UPF1: variants seen among roughly 807,000 people sequenced by gnomAD.
UPF1 encodes regulator of nonsense transcripts 1.
UPF1 carries 9 observed loss-of-function variants against 129.2 expected under a neutral mutation model. The observed-to-expected ratio is 0.07, with a 90% CI of 0.04 to 0.12. The LOEUF is 0.12. Ranked by LOEUF, UPF1 falls within the 10% of genes least tolerant of loss-of-function variation. The probability of loss-of-function intolerance (pLI) is 1.00; values close to 1 mark genes in which losing one functional copy is unlikely to be tolerated. For synonymous variants in UPF1, 649 were observed against 644.9 expected (o/e 1.01, Z -0.10); for missense variants, 788 against 1,525.3 (o/e 0.52, Z 8.05).
At chr19:18,854,457 G>A in intron 8 of UPF1, 144 bp from the exon 9 acceptor site, 1 of 670,182 alleles carries the variant, frequency 1.5e-6, no homozygotes, top group Non-Finnish European at 2.6e-6. Flanking sequence ...GGTGTTGGCT[G>A]CACGTTTTTA....
intron 1 of UPF1, among the ~76,000 whole-genome samples, chr19:18,840,685 C>T (rs967854708): frequency 2.6e-5 from 4 of 152,178 alleles, no homozygotes; most frequent in Non-Finnish European, 4.4e-5. Flanking sequence ...CTGTTCGGGG[C>T]TCCGGAGGGT....
At chr19:18,856,769 CAGGG>C in intron 13 of UPF1, 104 bp from the exon 14 acceptor site, 1 of 1,441,362 alleles carries the variant, frequency 6.9e-7, no homozygotes, top group South Asian at 1.4e-5. Flanking sequence ...TTTATAGTGT[CAGGG>C]AGGGTGAGAA....
At chr19:18,866,392 G>A (rs2055844925) in intron 23 of UPF1, 129 bp from the exon 24 acceptor site, 2 of 558,570 alleles carry the variant, frequency 3.6e-6, no homozygotes, top group Admixed American at 4.0e-5. Context: ...GGACCACCGC[G>A]GGACCTCAGT....
rs765708365 is a variant in UPF1, at chr19:18,845,991, A to C, written c.243A>C (p.Glu81Asp). Residue 81 changes from glutamate (E) to aspartate (D), a missense_variant, in exon 2 of 24, where the codon GAA becomes GAC. Physicochemically the swap from Glu to Asp is conservative, Grantham distance 45. This residue lies in a region of UPF1 where 112 missense variants were observed against 128.2 expected (regional missense o/e 0.87). Coordinates refer to ENST00000262803, the MANE Select transcript of UPF1 (RefSeq NM_002911.4). ...AGQLDAQVGPEGILQNGAVDD... is the reference protein window; with the variant it reads ...AGQLDAQVGPDGILQNGAVDD... Reference sequence around the variant, plus strand: ...GCGTTCTGCTGCAGGTTGGGCCCGAAGGCATCCTGCAGAACGGGGCTGTGG... The same window carrying C: ...GCGTTCTGCTGCAGGTTGGGCCCGACGGCATCCTGCAGAACGGGGCTGTGG... 1 of 1,614,020 alleles carries C rather than the reference A, an allele frequency of 6.2e-7. No individual in the cohort carries two copies. The highest frequency in any genetic ancestry group is 8.5e-7 in the Non-Finnish European group (1 of 1,180,004).
chr19:18,860,038 A>G (rs1029558323), intron 15 of UPF1: 1 of 395,354 alleles, frequency 2.5e-6, no homozygotes. Flanking sequence ...GCAGAGATCC[A>G]GGCTGCAAGA....
Position 18,867,005 on chromosome 19 carries a change from C to T in UPF1, c.*488C>T, listed in dbSNP as rs556654469. ...CCACGCCTACCGGACGCGCCGAGGT[C>T]GCGCTGCCTGTGTTCTCCGAGGGCC... On this transcript the variant is annotated 3_prime_UTR_variant, in exon 24 of 24. Coordinates refer to ENST00000262803, the MANE Select transcript of UPF1 (RefSeq NM_002911.4). The T allele has an allele frequency of 6.6e-6, 1 of 152,630 alleles. No homozygotes were observed. Among genetic ancestry groups the T allele is most frequent in the Non-Finnish European group, 1.5e-5 (1 of 68,050 alleles). The allele number at this position is 152,630 out of a possible 1,614,324, so 9.5% of individuals were successfully genotyped here. A position where few individuals can be genotyped will look rare whatever the true frequency, so the allele number is the denominator to read the frequency against.
intron 19 of UPF1, among the ~76,000 whole-genome samples, 173 bp downstream of exon 19, chr19:18,863,785 G>C (rs1362077194): frequency 6.6e-6 from 1 of 151,416 alleles, no homozygotes; most frequent in African/African-American, 2.4e-5. Flanking sequence ...CCCGAGCCGT[G>C]TGTGGCATTT....
Position 18,860,462 on chromosome 19 carries a change from C to T in UPF1, c.2300+24C>T, listed in dbSNP as rs199912451. 37 of 1,605,174 alleles carry T rather than the reference C, an allele frequency of 2.3e-5. No individual in the cohort carries two copies. In the African/African-American group the frequency reaches 3.7e-4, roughly 16 times the overall value. ...AGGTGAGCAGGGACAGGCCCACCGG[C>T]GTCTGCAGGTCTTGGGGACAGCTTG... On this transcript the variant is annotated intron_variant, in intron 16 of 23. Coordinates refer to ENST00000262803, the MANE Select transcript of UPF1 (RefSeq NM_002911.4).
chr19:18,852,732 C>G (rs1309655232), intron 6 of UPF1, among the ~76,000 whole-genome samples: 3 of 150,824 alleles, frequency 2.0e-5, no homozygotes, highest in Non-Finnish European at 4.4e-5. Context: ...AGCAGCTGCT[C>G]CCTGGCCACG....
intron 2 of UPF1, among the ~76,000 whole-genome samples, chr19:18,847,539 C>A (rs2055613864): frequency 6.6e-6 from 1 of 152,230 alleles, no homozygotes; most frequent in Non-Finnish European, 1.5e-5. Flanking sequence ...CCCCTCGGAG[C>A]TTCTGCCACA....
intron 2 of UPF1, 56 bp downstream of exon 2, chr19:18,846,175 A>G (rs953527098): frequency 3.1e-6 from 5 of 1,605,254 alleles, no homozygotes; most frequent in South Asian, 1.1e-5. Flanking sequence ...TGCCTCTGGC[A>G]TGGGCCTGGG....
At chr19:18,860,634 C>A (rs1244821248) in intron 16 of UPF1, among the ~76,000 whole-genome samples, 192 bp from the exon 17 acceptor site, 1 of 152,214 alleles carries the variant, frequency 6.6e-6, no homozygotes, top group African/African-American at 2.4e-5. Context: ...CAGATACTTG[C>A]TAATCCCACA....
In UPF1 at chr19:18,866,157, G is replaced by A. The variant is rs571973663; in HGVS notation, c.3351G>A (p.Gln1117=). The A allele has an allele frequency of 2.1e-4, 332 of 1,599,752 alleles. 3 individuals are homozygous for A. The South Asian group carries it at 3.5e-3, about 17-fold the overall frequency. ...YQHGGVTGLS[Q]Y is the part of the protein sequence containing the mutation. ...ATGGCGGGGTGACGGGGCTGTCCCA[G>A]TATTAAAAGGCAAGCCCCCCTGGAG... is the stretch of plus-strand genomic sequence containing the variant. The change falls in exon 23 of 24, where the codon CAG becomes CAA. Residue 1117 remains glutamine, a synonymous_variant. Coordinates refer to ENST00000262803, the MANE Select transcript of UPF1 (RefSeq NM_002911.4).
chr19:18,854,201 G>A (rs1012360758), intron 8 of UPF1, among the ~76,000 whole-genome samples: 3 of 152,216 alleles, frequency 2.0e-5, no homozygotes, highest in Non-Finnish European at 4.4e-5. Flanking sequence ...TGGGTTCTGC[G>A]AGCTCTGCCT....
At chr19:18,861,828 TA>T (rs1568282461) in intron 17 of UPF1, among the ~76,000 whole-genome samples, 181 bp from the exon 18 acceptor site, 1 of 152,152 alleles carries the variant, frequency 6.6e-6, no homozygotes, top group East Asian at 1.9e-4. Flanking sequence ...ATCCTGTCTC[TA>T]AAAAAAGAAA....
chr19:18,850,620 G>A lies in UPF1; in HGVS notation c.630-68G>A. 6.8e-7 allele frequency: 1 copy of A among 1,475,040 alleles called. No homozygotes were observed. The highest frequency in any genetic ancestry group is 9.0e-7 in the Non-Finnish European group (1 of 1,115,726). The allele number at this position is 1,475,040 out of a possible 1,614,324, so 91.4% of individuals were successfully genotyped here. On this transcript the variant is annotated intron_variant, in intron 4 of 23. Transcript: ENST00000262803. This position sits in a 1 kb window ranked among gnomAD's most constrained non-coding sequence, Gnocchi z 7.1. Reference sequence around the variant, plus strand: ...CTTTGGGTGAAAGGTCAGCATGGGAGGGGGCCCTCCCTGCTCCGGGGCTTC... The same window carrying A: ...CTTTGGGTGAAAGGTCAGCATGGGAAGGGGCCCTCCCTGCTCCGGGGCTTC...
rs1231659759 is a variant in UPF1, at chr19:18,850,593, C to T, written c.630-95C>T. ...TCACATAATAAAATGCAGGGCATGC[C>T]CCTTTGGGTGAAAGGTCAGCATGGG... On this transcript the variant is annotated intron_variant, in intron 4 of 23. Transcript: ENST00000262803. This position sits in a 1 kb window ranked among gnomAD's most constrained non-coding sequence, Gnocchi z 7.1. 10 of 1,373,012 alleles carry T rather than the reference C, an allele frequency of 7.3e-6. No homozygotes were observed. In the East Asian group the frequency reaches 2.3e-4, roughly 31 times the overall value. The allele number at this position is 1,373,012 out of a possible 1,614,324, so 85.1% of individuals were successfully genotyped here. A position where few individuals can be genotyped will look rare whatever the true frequency, so the allele number is the denominator to read the frequency against.
At chr19:18,843,429 C>T (rs1418336412) in intron 1 of UPF1, among the ~76,000 whole-genome samples, 1 of 151,808 alleles carries the variant, frequency 6.6e-6, no homozygotes, top group Non-Finnish European at 1.5e-5. Flanking sequence ...ATGTCTGCGG[C>T]CTGAGAGTTT....
In UPF1 at chr19:18,848,092, A is replaced by G. The variant is rs183892627; in HGVS notation, c.461+259A>G. ...ATTCTCCTTCCCAGTTTTTATTTCGATTTTTCTGCAAGATGAGCTCTTGGC... is the reference window on the plus strand; with the variant it reads ...ATTCTCCTTCCCAGTTTTTATTTCGGTTTTTCTGCAAGATGAGCTCTTGGC... On this transcript the variant is annotated intron_variant, in intron 3 of 23. Transcript: ENST00000262803. 6.0e-3 allele frequency: 2,491 copies of G among 412,088 alleles called. 21 individuals are homozygous for G. The highest frequency in any genetic ancestry group is 7.8e-3 in the Non-Finnish European group (1,737 of 222,986). The allele number at this position is 412,088 out of a possible 1,614,324, so 25.5% of individuals were successfully genotyped here. A position where few individuals can be genotyped will look rare whatever the true frequency, so the allele number is the denominator to read the frequency against.
Sources: allele counts gnomAD v4.1 joint callset (sites outside exome capture counted in the v4.1 genomes callset), GRCh38; gene constraint gnomAD v4.1.1; regional missense constraint gnomAD v4.1.1; non-coding constraint Gnocchi (gnomAD v3.1); transcripts MANE v1.5; gene names NCBI Gene and HGNC (gene_info 2026-07-23, HGNC 2026-07-21).